MALRD1: variants seen among roughly 807,000 people sequenced by gnomAD.
MALRD1 encodes MAM and LDL-receptor class A domain-containing protein 1.
Under a neutral mutation model 242.1 loss-of-function variants are expected in MALRD1, and 247 were observed. That is an observed-to-expected ratio of 1.02 (90% CI 0.92 to 1.13). The LOEUF (loss-of-function observed/expected upper bound fraction) is 1.13. MALRD1 is among the 50% of genes most tolerant of loss of function. The pLI is 0.00. For synonymous variants in MALRD1, 995 were observed against 866.6 expected (o/e 1.15, Z -2.60); for missense variants, 2,989 against 2,533.1 (o/e 1.18, Z -3.86).
rs1487543201 is a variant in MALRD1, at chr10:19,387,511, C to A, written c.4442-17C>A. On this transcript the variant is annotated splice_polypyrimidine_tract_variant and intron_variant, in intron 26 of 39. Coordinates refer to ENST00000454679, the MANE Select transcript of MALRD1 (RefSeq NM_001142308.3). ...AGGAGTGTTCGCTCATTCTTGTTTT[C>A]TTTTGTTTTGTTTTAGGTTTCTGCC... 3 of 1,546,640 alleles carry A rather than the reference C, an allele frequency of 1.9e-6. No homozygotes were observed. The highest frequency in any genetic ancestry group is 2.6e-6 in the Non-Finnish European group (3 of 1,145,242).
chr10:19,202,035 C>T (rs969356619), intron 14 of MALRD1, among the ~76,000 whole-genome samples: 22 of 151,980 alleles, frequency 1.4e-4, no homozygotes, highest in African/African-American at 4.8e-4. Flanking sequence ...AGGATGGTCT[C>T]GATCTCTTGA....
chr10:19,228,229 A>G (rs1395397998), intron 18 of MALRD1, among the ~76,000 whole-genome samples: 1 of 152,186 alleles, frequency 6.6e-6, no homozygotes, highest in Non-Finnish European at 1.5e-5. Flanking sequence ...AAAAGGAGCA[A>G]ACTGATACAA....
rs184594949 is a variant in MALRD1, at chr10:19,407,962, A to T, written c.4845+18353A>T. Among the ~76,000 whole-genome samples, 10 of 152,262 alleles carry T rather than the reference A, an allele frequency of 6.6e-5. No individual in the cohort carries two copies. In the East Asian group the frequency reaches 1.7e-3, roughly 26 times the overall value. On this transcript the variant is annotated intron_variant, in intron 28 of 39. Coordinates refer to ENST00000454679, the MANE Select transcript of MALRD1 (RefSeq NM_001142308.3). ...GGTGTTTCCATAACACTGTTACCAAACACCATGGATTCAGTCTAGGTTCCC... is the reference window on the plus strand; with the variant it reads ...GGTGTTTCCATAACACTGTTACCAATCACCATGGATTCAGTCTAGGTTCCC...
intron 28 of MALRD1, among the ~76,000 whole-genome samples, chr10:19,392,226 A>G (rs943056198): frequency 1.3e-5 from 2 of 152,180 alleles, no homozygotes; most frequent in African/African-American, 4.8e-5. Context: ...GCCTTATTTT[A>G]CTAAAGGGGT....
intron 36 of MALRD1, among the ~76,000 whole-genome samples, chr10:19,656,703 G>A (rs899044348): frequency 9.2e-5 from 14 of 152,024 alleles, no homozygotes; most frequent in Non-Finnish European, 1.5e-4. Flanking sequence ...TTTCTCAGCT[G>A]TATACCTGCT....
At chr10:19,472,545 G>T (rs780662823) in intron 29 of MALRD1, among the ~76,000 whole-genome samples, 23 of 151,946 alleles carry the variant, frequency 1.5e-4, no homozygotes, top group Non-Finnish European at 2.9e-4. Flanking sequence ...GCTTTTCTTT[G>T]TTGAGAGTTT....
At chr10:19,236,668 A>C (rs1838329684) in intron 18 of MALRD1, among the ~76,000 whole-genome samples, 2 of 152,156 alleles carry the variant, frequency 1.3e-5, no homozygotes, top group African/African-American at 4.8e-5. Context: ...AGCACATAAA[A>C]AGGAAGGTTA....
chr10:19,097,483 G>A (rs1011448013), intron 4 of MALRD1, among the ~76,000 whole-genome samples: 3 of 152,186 alleles, frequency 2.0e-5, no homozygotes, highest in African/African-American at 7.2e-5. Context: ...TTAAAAAATT[G>A]CAGACAGAAG....
intron 17 of MALRD1, among the ~76,000 whole-genome samples, chr10:19,207,676 T>C (rs987309422): frequency 3.9e-5 from 6 of 152,090 alleles, no homozygotes; most frequent in African/African-American, 7.2e-5. Flanking sequence ...AATTTGTTTG[T>C]ATTTTTAGTA....
chr10:19,376,962 T>A (rs79722189), intron 26 of MALRD1, among the ~76,000 whole-genome samples: 24 of 152,328 alleles, frequency 1.6e-4, no homozygotes, highest in Non-Finnish European at 3.1e-4. Context: ...CAAGGAGGAC[T>A]CTTTTATTTT....
intron 38 of MALRD1, among the ~76,000 whole-genome samples, chr10:19,718,000 C>CTAAATAAATAAA (rs751306181): frequency 1.2e-4 from 15 of 128,056 alleles, no homozygotes; most frequent in Admixed American, 5.4e-4. Context: ...GAGATTCTAC[C>CTAAATAAATAAA]TAAATAAATA....
intron 36 of MALRD1, among the ~76,000 whole-genome samples, chr10:19,622,206 C>CG (rs1839434654): frequency 8.6e-6 from 1 of 116,692 alleles, no homozygotes; most frequent in South Asian, 2.5e-4. Context: ...AAGAAGTTAT[C>CG]ATGATGGTAT....
intron 14 of MALRD1, among the ~76,000 whole-genome samples, chr10:19,183,691 GA>G (rs1835619455): frequency 6.6e-6 from 1 of 151,976 alleles, no homozygotes; most frequent in Admixed American, 6.6e-5. Flanking sequence ...AGATTTTGTA[GA>G]AAAAAATAGC....
intron 38 of MALRD1, among the ~76,000 whole-genome samples, chr10:19,692,842 A>C: frequency 7.3e-6 from 1 of 136,420 alleles, no homozygotes; most frequent in South Asian, 2.3e-4. Flanking sequence ...AATTATATAT[A>C]TATGAAATTT....
chr10:19,115,115 C>T (rs1836824267), intron 5 of MALRD1, among the ~76,000 whole-genome samples: 1 of 152,180 alleles, frequency 6.6e-6, no homozygotes, highest in Non-Finnish European at 1.5e-5. Flanking sequence ...CAACTAGAAA[C>T]AGCTTCTATG....
chr10:19,529,948 G>A (rs1371613963), intron 31 of MALRD1, among the ~76,000 whole-genome samples: 1 of 151,970 alleles, frequency 6.6e-6, no homozygotes, highest in Non-Finnish European at 1.5e-5. Context: ...ACATGCATAG[G>A]AAGACAATAT....
intron 31 of MALRD1, among the ~76,000 whole-genome samples, chr10:19,519,117 T>C (rs1833767703): frequency 6.6e-6 from 1 of 152,202 alleles, no homozygotes; most frequent in African/African-American, 2.4e-5. Context: ...ATGTATATAC[T>C]TGTTCTAATT....
intron 2 of MALRD1, among the ~76,000 whole-genome samples, chr10:19,081,126 C>T (rs1835477782): frequency 6.6e-6 from 1 of 151,864 alleles, no homozygotes; most frequent in Non-Finnish European, 1.5e-5. Flanking sequence ...CAGATGCTAG[C>T]CAGGATGCAG....
At chr10:19,070,309 T>C (rs1280599087) in intron 2 of MALRD1, among the ~76,000 whole-genome samples, 2 of 152,148 alleles carry the variant, frequency 1.3e-5, no homozygotes, top group East Asian at 3.9e-4. Context: ...CACATTAGCC[T>C]ACGGTTGGGT....
Sources: gnomAD v4.1 joint callset for allele counts (sites outside exome capture counted in the v4.1 genomes callset) on GRCh38, gnomAD v4.1.1 for gene constraint, MANE v1.5 for transcripts, NCBI Gene and HGNC (gene_info 2026-07-23, HGNC 2026-07-21) for gene names.